Variants in STXBP4 observed in about 807,000 individuals in gnomAD.
The protein encoded by STXBP4 is syntaxin-binding protein 4.
A neutral mutation model predicts 76.1 loss-of-function variants in STXBP4; 55 were observed. The ratio of observed to expected loss-of-function variants is 0.72; its 90% confidence interval spans 0.58 to 0.91. STXBP4 has a LOEUF of 0.91. Ranked by LOEUF, STXBP4 falls within the 40% of genes least tolerant of loss-of-function variation. The probability of loss-of-function intolerance (pLI) is 0.00; values close to 1 mark genes in which losing one functional copy is unlikely to be tolerated. For synonymous variants in STXBP4, 201 were observed against 220.2 expected, an observed-to-expected ratio of 0.91 and a Z score of 0.77; for missense variants, 618 against 636.9, an observed-to-expected ratio of 0.97 and a Z score of 0.32.
At chr17:55,014,294 G>A (rs867691951) in intron 8 of STXBP4, among the ~76,000 whole-genome samples, 4 of 152,070 alleles carry the variant, frequency 2.6e-5, no homozygotes, top group African/African-American at 7.2e-5. Flanking sequence ...CCTCAAGCAC[G>A]GGACAACAAA....
chr17:55,010,548 A>G (rs924589962), intron 8 of STXBP4, among the ~76,000 whole-genome samples: 1 of 152,100 alleles, frequency 6.6e-6, no homozygotes, highest in African/African-American at 2.4e-5. Context: ...CTAATATTAA[A>G]CTTATAAATA....
intron 16 of STXBP4, among the ~76,000 whole-genome samples, chr17:55,090,378 C>T (rs1426789934): frequency 3.3e-5 from 5 of 152,080 alleles, no homozygotes; most frequent in Non-Finnish European, 7.4e-5. Flanking sequence ...CATCACTCTG[C>T]GCAGCCACCT....
intron 16 of STXBP4, among the ~76,000 whole-genome samples, chr17:55,109,304 T>A (rs2079679646): frequency 6.6e-6 from 1 of 152,180 alleles, no homozygotes; most frequent in Non-Finnish European, 1.5e-5. Flanking sequence ...CTATTCTGGT[T>A]GTCTATCATA....
chr17:55,144,220 G>T (rs2080126403), intron 17 of STXBP4, among the ~76,000 whole-genome samples: 2 of 152,134 alleles, frequency 1.3e-5, no homozygotes, highest in Admixed American at 1.3e-4. Context: ...GATTAAAAAA[G>T]TCAAAGAGTA....
At chr17:55,186,224 G>A in the STXBP4 span, among the ~76,000 whole-genome samples, 9 of 152,092 alleles carry the variant, frequency 5.9e-5, no homozygotes, top group Non-Finnish European at 8.8e-5. Context: ...TTTTTTTTGA[G>A]ACAGGATCTC....
chr17:55,186,286 T>C, the STXBP4 span, among the ~76,000 whole-genome samples: 2 of 152,142 alleles, frequency 1.3e-5, no homozygotes, highest in South Asian at 4.1e-4. Flanking sequence ...GTGAATGCCA[T>C]AAAAAGAAAT....
At chr17:54,983,772 C>T (rs566931540) in intron 1 of STXBP4, among the ~76,000 whole-genome samples, 1 of 152,122 alleles carries the variant, frequency 6.6e-6, no homozygotes, top group Admixed American at 6.5e-5. Context: ...CTGCTCCATG[C>T]GTGTATCATT....
rs2078331008 is a variant in STXBP4 at position 55,022,465 on chromosome 17, GT to G, written c.667-8701del. On this transcript the variant is annotated intron_variant, in intron 8 of 17. Coordinates refer to ENST00000376352, the MANE Select transcript of STXBP4 (RefSeq NM_178509.6). ...AAATATTTATTGTTTACTTCCTCTGGTTGAGGCATTTTAGTGTTTTGGCACT... is the reference window on the plus strand; with the variant it reads ...AAATATTTATTGTTTACTTCCTCTGGTGAGGCATTTTAGTGTTTTGGCACT... Among the ~76,000 whole-genome samples, 2 of 152,006 alleles carry G rather than the reference GT, an allele frequency of 1.3e-5. 1 individual carries two copies. The highest frequency in any genetic ancestry group is 4.1e-4 in the South Asian group (2 of 4,824).
chr17:55,115,053 G>A (rs2079765633), intron 16 of STXBP4, among the ~76,000 whole-genome samples: 2 of 151,924 alleles, frequency 1.3e-5, no homozygotes, highest in Admixed American at 6.6e-5. Flanking sequence ...ATTCAAAAAT[G>A]GATCTCTCTT....
intron 16 of STXBP4, among the ~76,000 whole-genome samples, chr17:55,139,959 A>G (rs1479636331): frequency 5.9e-5 from 9 of 152,144 alleles, no homozygotes; most frequent in African/African-American, 2.2e-4. Flanking sequence ...TGCTTCTCAA[A>G]GACTTCACAA....
At chr17:54,979,946 T>G (rs1043471266) in intron 1 of STXBP4, among the ~76,000 whole-genome samples, 1 of 152,198 alleles carries the variant, frequency 6.6e-6, no homozygotes, top group African/African-American at 2.4e-5. Context: ...TACAAAGCCT[T>G]TATAGGTCTA....
At chr17:55,204,260 T>C in the STXBP4 span, among the ~76,000 whole-genome samples, 5 of 152,084 alleles carry the variant, frequency 3.3e-5, no homozygotes, top group Admixed American at 6.6e-5. Flanking sequence ...TATTGTTTAG[T>C]TCTACAGTTT....
intron 15 of STXBP4, among the ~76,000 whole-genome samples, chr17:55,079,834 A>G (rs778241380): frequency 6.6e-6 from 1 of 152,108 alleles, no homozygotes; most frequent in Non-Finnish European, 1.5e-5. Flanking sequence ...ATAAGTGAAG[A>G]TATTTTTGGT....
chr17:55,077,888 C>T (rs1406440663), intron 13 of STXBP4, among the ~76,000 whole-genome samples, 190 bp from the exon 14 acceptor site: 1 of 152,048 alleles, frequency 6.6e-6, no homozygotes, highest in Non-Finnish European at 1.5e-5. Context: ...ATAAAACTTG[C>T]AGTATCTCTG....
intron 17 of STXBP4, among the ~76,000 whole-genome samples, chr17:55,148,148 C>G (rs1323340347): frequency 6.6e-6 from 1 of 152,184 alleles, no homozygotes. Flanking sequence ...TCATTTCTCT[C>G]CAGTCAGAAT....
At chr17:55,006,027 A>G (rs577743783) in intron 7 of STXBP4, among the ~76,000 whole-genome samples, 9 of 151,614 alleles carry the variant, frequency 5.9e-5, no homozygotes, top group African/African-American at 1.2e-4. Context: ...ATGTGTGTGT[A>G]TATATATACA....
At chr17:55,017,012 G>A (rs1167535876) in intron 8 of STXBP4, among the ~76,000 whole-genome samples, 1 of 152,198 alleles carries the variant, frequency 6.6e-6, no homozygotes, top group African/African-American at 2.4e-5. Context: ...GCTAAGGGTT[G>A]TCAGTGGTCT....
intron 8 of STXBP4, among the ~76,000 whole-genome samples, chr17:55,020,245 C>G (rs1446670061): frequency 6.6e-6 from 1 of 152,180 alleles, no homozygotes; most frequent in East Asian, 1.9e-4. Flanking sequence ...ACTCTTTCTT[C>G]TACACATTAT....
chr17:55,000,936 A>C (rs913755946), intron 7 of STXBP4, 53 bp downstream of exon 7: 3 of 1,219,924 alleles, frequency 2.5e-6, no homozygotes, highest in Non-Finnish European at 3.6e-6. Context: ...TTCTCTCTCA[A>C]TGAGGAGTGT....
Sources: allele counts gnomAD v4.1 joint callset (sites outside exome capture counted in the v4.1 genomes callset), GRCh38; gene constraint gnomAD v4.1.1; transcripts MANE v1.5; gene names NCBI Gene and HGNC (gene_info 2026-07-23, HGNC 2026-07-21).